Variants in NCOA1 observed in about 807,000 individuals in gnomAD.
NCOA1 encodes the protein Hin-2 protein.
NCOA1 carries 35 observed loss-of-function variants against 150.9 expected under a neutral mutation model. The ratio of observed to expected loss-of-function variants is 0.23; its 90% CI spans 0.18 to 0.31. The LOEUF (loss-of-function observed/expected upper bound fraction) is 0.31. Ranked by LOEUF, NCOA1 falls within the 10% of genes least tolerant of loss-of-function variation. NCOA1 has a pLI of 1.00. For synonymous variants in NCOA1, 590 were observed against 630.0 expected (o/e 0.94, Z 0.95); for missense variants, 1,491 against 1,749.3 (o/e 0.85, Z 2.63).
At chr2:24,703,995 T>A (rs1673291360) in intron 11 of NCOA1, among the ~76,000 whole-genome samples, 1 of 152,184 alleles carries the variant, frequency 6.6e-6, no homozygotes, top group African/African-American at 2.4e-5. Context: ...TGGCATAGCC[T>A]TTACGTATTT....
intron 11 of NCOA1, 62 bp downstream of exon 11, chr2:24,697,860 C>T (rs778721812): frequency 1.1e-4 from 161 of 1,454,442 alleles, no homozygotes; most frequent in Non-Finnish European, 1.4e-4. Flanking sequence ...TTGAATAGTT[C>T]GTATAGAACT....
intron 3 of NCOA1, among the ~76,000 whole-genome samples, chr2:24,618,135 G>C (rs973422913): frequency 6.6e-6 from 1 of 152,150 alleles, no homozygotes; most frequent in Non-Finnish European, 1.5e-5. Flanking sequence ...ATTTTCCAAA[G>C]TTGTGTAGTA....
At chr2:24,746,271 G>A (rs894701593) in intron 19 of NCOA1, among the ~76,000 whole-genome samples, 4 of 152,222 alleles carry the variant, frequency 2.6e-5, no homozygotes, top group Non-Finnish European at 4.4e-5. Flanking sequence ...AGCTGGGCAC[G>A]GTGGCTCACG....
intron 2 of NCOA1, among the ~76,000 whole-genome samples, chr2:24,570,051 CTTTT>C (rs71397440): frequency 1.6e-5 from 2 of 122,138 alleles, no homozygotes; most frequent in Non-Finnish European, 1.7e-5. Context: ...GTGGTATATA[CTTTT>C]TTTTTTTTTT....
chr2:24,729,501 G>C lies in NCOA1; in HGVS notation c.2887G>C (p.Gly963Arg), dbSNP rs757994575. 4 of 1,609,704 alleles carry C rather than the reference G, an allele frequency of 2.5e-6. No individual in the cohort carries two copies. Among genetic ancestry groups the C allele is most frequent in the African/African-American group, 1.3e-5 (1 of 74,752 alleles). ...RALGIDKLVQ[G>R]GGLDVLSERF... ...AATATTCTGGCTTCTTTTCTAACAG[G>C]GGGGTGGATTAGATGTATTATCAGA... The change falls in exon 17 of 23, where the codon GGG (glycine) becomes CGG (arginine). Residue 963 changes from glycine (G) to arginine (R), a missense_variant and splice_region_variant. Physicochemically the swap from Gly to Arg is moderately radical, Grantham distance 125. This residue lies in a region of NCOA1 where 485 missense variants were observed against 522.8 expected (regional missense o/e 0.93). Transcript: ENST00000348332.
chr2:24,570,304 G>C (rs1572431849), intron 2 of NCOA1, among the ~76,000 whole-genome samples: 1 of 152,140 alleles, frequency 6.6e-6, no homozygotes, highest in Admixed American at 6.5e-5. Context: ...TTGCAGTGAA[G>C]TTATCAAACA....
chr2:24,723,482 T>C (rs571813180), intron 14 of NCOA1, among the ~76,000 whole-genome samples: 1 of 152,322 alleles, frequency 6.6e-6, no homozygotes, highest in African/African-American at 2.4e-5. Context: ...AAGATAGATA[T>C]TGCCAAATAG....
At chr2:24,639,673 G>A (rs1317334735) in intron 3 of NCOA1, among the ~76,000 whole-genome samples, 2 of 151,554 alleles carry the variant, frequency 1.3e-5, no homozygotes, top group African/African-American at 4.9e-5. Context: ...TGGATCACGA[G>A]GTCAGGAGTT....
rs1428434967 is a variant in NCOA1 at position 24,707,045 on chromosome 2, C to A, written c.1575C>A (p.Ala525=). The A allele has an allele frequency of 1.9e-6, 3 of 1,614,054 alleles. No homozygotes were observed. In the African/African-American group the frequency reaches 4.0e-5, roughly 22 times the overall value. The change falls in exon 13 of 23, where the codon GCC becomes GCA. Residue 525 remains alanine (A), a synonymous_variant. Coordinates refer to ENST00000348332, the MANE Select transcript of NCOA1 (RefSeq NM_003743.5). ...LSSPVGMTSS[A]CNNNNRSYSN... is the part of the protein sequence containing the mutation. ...CTCCCGTTGGCATGACAAGTAGTGC[C>A]TGTAATAATAATAACCGATCTTATT...
chr2:24,678,131 T>C lies in NCOA1; in HGVS notation c.354+4668T>C, dbSNP rs1418721963. Among the ~76,000 whole-genome samples the C allele has an allele frequency of 4.6e-5, 7 of 152,344 alleles. No homozygotes were observed. In the East Asian group the frequency reaches 5.8e-4, roughly 13 times the overall value. ...CAGCTCCCACTTATAAGTGAGAACATGCAGCATTTGGTTTGATGTTCCTGC... is the reference window on the plus strand; with the variant it reads ...CAGCTCCCACTTATAAGTGAGAACACGCAGCATTTGGTTTGATGTTCCTGC... On this transcript the variant is annotated intron_variant, in intron 7 of 22. Coordinates refer to ENST00000348332, the MANE Select transcript of NCOA1 (RefSeq NM_003743.5).
At chr2:24,658,568 T>C in intron 4 of NCOA1, 93 bp from the exon 5 acceptor site, 1 of 854,766 alleles carries the variant, frequency 1.2e-6, no homozygotes, top group Non-Finnish European at 1.9e-6. Flanking sequence ...AGCACAATTT[T>C]TAGAAATTTT....
chr2:24,618,013 TTAAAA>T (rs1254740053), intron 3 of NCOA1, among the ~76,000 whole-genome samples: 2 of 152,198 alleles, frequency 1.3e-5, no homozygotes, highest in African/African-American at 4.8e-5. Flanking sequence ...TCCATAATTA[TTAAAA>T]TAAAACTATA....
At chr2:24,609,556 C>T (rs180671449) in intron 3 of NCOA1, among the ~76,000 whole-genome samples, 1 of 152,236 alleles carries the variant, frequency 6.6e-6, no homozygotes, top group East Asian at 1.9e-4. Context: ...AGTTAAAAGG[C>T]TGCAGTGTGC....
At chr2:24,527,431 T>G (rs1664697526) in intron 1 of NCOA1, among the ~76,000 whole-genome samples, 1 of 152,186 alleles carries the variant, frequency 6.6e-6, no homozygotes, top group African/African-American at 2.4e-5. Flanking sequence ...GTGTCTGGCT[T>G]ATTTTACTTA....
intron 1 of NCOA1, among the ~76,000 whole-genome samples, chr2:24,528,913 C>G (rs1664765926): frequency 6.6e-6 from 1 of 151,738 alleles, no homozygotes; most frequent in Admixed American, 6.6e-5. Context: ...TTGAGACAGT[C>G]TCTCACATTC....
intron 9 of NCOA1, among the ~76,000 whole-genome samples, chr2:24,691,962 G>T (rs1299269569): frequency 6.6e-6 from 1 of 152,180 alleles, no homozygotes; most frequent in East Asian, 1.9e-4. Context: ...ACTGCTGCCA[G>T]TTGGAAATGT....
rs1364518065 is a variant in NCOA1 at position 24,707,693 on chromosome 2, A to G, written c.2223A>G (p.Lys741=). ...TAGAACTGGATGCTTCAAAGAAAAA[A>G]GAATCAAAAGACCATCAGCTCCTAC... The part of the protein sequence containing the change: ...IKLELDASKK[K]ESKDHQLLRY... The change falls in exon 13 of 23, where the codon AAA becomes AAG. Residue 741 remains lysine, a synonymous_variant. Transcript: ENST00000348332. 2 of 1,614,196 alleles carry G rather than the reference A, an allele frequency of 1.2e-6. No individual in the cohort carries two copies. The highest frequency in any genetic ancestry group is 1.1e-5 in the South Asian group (1 of 91,086).
intron 19 of NCOA1, among the ~76,000 whole-genome samples, chr2:24,749,492 C>G (rs60872440): frequency 6.6e-6 from 1 of 152,230 alleles, no homozygotes; most frequent in Non-Finnish European, 1.5e-5. Flanking sequence ...AGGGAACCAT[C>G]TTCAAAGTTC....
intron 3 of NCOA1, among the ~76,000 whole-genome samples, chr2:24,630,747 C>G (rs561319447): frequency 6.6e-6 from 1 of 152,158 alleles, no homozygotes; most frequent in Non-Finnish European, 1.5e-5. Flanking sequence ...AGAGAGACTG[C>G]AAGTTTTTCA....
Sources: allele counts gnomAD v4.1 joint callset (sites outside exome capture counted in the v4.1 genomes callset), GRCh38; gene constraint gnomAD v4.1.1; regional missense constraint gnomAD v4.1.1; transcripts MANE v1.5; gene names NCBI Gene and HGNC (gene_info 2026-07-23, HGNC 2026-07-21).